CHCHD6: variants seen among roughly 807,000 people sequenced by gnomAD.
The protein encoded by CHCHD6 is MICOS complex subunit MIC25.
Under a neutral mutation model 32.3 loss-of-function variants are expected in CHCHD6, and 28 were observed. The observed-to-expected ratio is 0.87, with a 90% confidence interval of 0.64 to 1.19. CHCHD6 has a LOEUF of 1.19. Ranked by LOEUF, CHCHD6 falls within the 50% of genes most tolerant of loss-of-function variation. CHCHD6 has a pLI of 0.00. For missense variants in CHCHD6, 333 were observed against 307.0 expected (o/e 1.08, Z -0.63); for synonymous variants, 122 against 117.5 (o/e 1.04, Z -0.25).
chr3:126,811,614 A>C (rs2107531621), intron 4 of CHCHD6, among the ~76,000 whole-genome samples: 1 of 151,622 alleles, frequency 6.6e-6, no homozygotes, highest in Non-Finnish European at 1.5e-5. Flanking sequence ...ACACTACTCC[A>C]GTGGACCAGC....
At chr3:126,910,704 G>A (rs1296145621) in intron 5 of CHCHD6, among the ~76,000 whole-genome samples, 1 of 152,202 alleles carries the variant, frequency 6.6e-6, no homozygotes, top group Non-Finnish European at 1.5e-5. Flanking sequence ...AGGATGGGGA[G>A]CTGCTTGAGT....
At chr3:126,808,423 A>T (rs1939510611) in intron 4 of CHCHD6, among the ~76,000 whole-genome samples, 1 of 152,212 alleles carries the variant, frequency 6.6e-6, no homozygotes. Context: ...GGGCTGTCTT[A>T]GAGGGCTGTG....
chr3:126,852,241 C>A (rs1335486861), intron 4 of CHCHD6, among the ~76,000 whole-genome samples: 1 of 152,158 alleles, frequency 6.6e-6, no homozygotes, highest in Admixed American at 6.5e-5. Context: ...AAGGTTCAGA[C>A]CCCAGCTACT....
chr3:126,938,174 GCCATTAGCT>G (rs2078510127), intron 6 of CHCHD6, among the ~76,000 whole-genome samples: 1 of 152,218 alleles, frequency 6.6e-6, no homozygotes, highest in South Asian at 2.1e-4. Flanking sequence ...TTGGCAAGGG[GCCATTAGCT>G]TGTGACTGTT....
At chr3:126,893,555 C>T (rs1375545051) in intron 5 of CHCHD6, among the ~76,000 whole-genome samples, 2 of 152,192 alleles carry the variant, frequency 1.3e-5, no homozygotes, top group Non-Finnish European at 2.9e-5. Flanking sequence ...GAGTCCTAGT[C>T]CTTTATTACA....
chr3:126,959,762 C>T (rs554857339), intron 7 of CHCHD6, among the ~76,000 whole-genome samples: 9 of 152,316 alleles, frequency 5.9e-5, no homozygotes, highest in East Asian at 3.9e-4. Flanking sequence ...CCTGACTGTG[C>T]GGACCCCAGC....
chr3:126,950,582 C>G (rs1276663530), intron 6 of CHCHD6, among the ~76,000 whole-genome samples: 2 of 152,230 alleles, frequency 1.3e-5, no homozygotes, highest in Non-Finnish European at 2.9e-5. Context: ...TCCCAACTAA[C>G]TGGGATTACA....
chr3:126,849,241 T>G (rs1396156986), intron 4 of CHCHD6, among the ~76,000 whole-genome samples: 2 of 152,244 alleles, frequency 1.3e-5, no homozygotes, highest in East Asian at 3.8e-4. Context: ...GGAATGTGGT[T>G]TATTCTGACC....
At chr3:126,864,842 C>T (rs202133696) in intron 5 of CHCHD6, among the ~76,000 whole-genome samples, 1 of 134,280 alleles carries the variant, frequency 7.4e-6, no homozygotes, top group Non-Finnish European at 1.5e-5. Context: ...TCCTCCTCCA[C>T]CATCATCTCC....
intron 6 of CHCHD6, among the ~76,000 whole-genome samples, chr3:126,946,597 C>A (rs941029799): frequency 6.6e-6 from 1 of 152,188 alleles, no homozygotes; most frequent in African/African-American, 2.4e-5. Context: ...ATAGCAATCC[C>A]GTGTGGCGTG....
intron 4 of CHCHD6, among the ~76,000 whole-genome samples, chr3:126,803,889 A>T (rs987808108): frequency 6.6e-6 from 1 of 152,276 alleles, no homozygotes; most frequent in Non-Finnish European, 1.5e-5. Context: ...CAATCAAACT[A>T]GAACTCAGGA....
At chr3:126,845,950 C>G (rs1218900601) in intron 4 of CHCHD6, among the ~76,000 whole-genome samples, 2 of 152,144 alleles carry the variant, frequency 1.3e-5, no homozygotes, top group Non-Finnish European at 2.9e-5. Context: ...AATCCAGGAG[C>G]ATTTGTTCAA....
chr3:126,889,690 C>T (rs557265932), intron 5 of CHCHD6, among the ~76,000 whole-genome samples: 2 of 152,330 alleles, frequency 1.3e-5, no homozygotes, highest in African/African-American at 2.4e-5. Context: ...TCTTGTATAC[C>T]GCCACTGCAC....
Position 126,960,315 on chromosome 3 carries a change from C to T in CHCHD6, c.*114C>T, listed in dbSNP as rs2078842846. 21 of 1,290,448 alleles carry T rather than the reference C, an allele frequency of 1.6e-5. No homozygotes were observed. The highest frequency in any genetic ancestry group is 2.2e-5 in the Non-Finnish European group (20 of 915,814). The allele number at this position is 1,290,448 out of a possible 1,614,324, so 79.9% of individuals were successfully genotyped here. ...TTCCTGCTGGGCCCCTGCATATGCCCCTGAGCCTGGGGCTGCCACGTGTTT... is the reference window on the plus strand; with the variant it reads ...TTCCTGCTGGGCCCCTGCATATGCCTCTGAGCCTGGGGCTGCCACGTGTTT... On this transcript the variant is annotated 3_prime_UTR_variant, in exon 8 of 8. Transcript: ENST00000290913.
intron 4 of CHCHD6, among the ~76,000 whole-genome samples, chr3:126,815,069 G>C (rs1362515097): frequency 6.6e-6 from 1 of 152,170 alleles, no homozygotes; most frequent in Admixed American, 6.5e-5. Flanking sequence ...ATTGTTGTGT[G>C]GTGTGAGGGC....
chr3:126,897,491 C>T (rs186226431), intron 5 of CHCHD6, among the ~76,000 whole-genome samples: 4 of 152,324 alleles, frequency 2.6e-5, no homozygotes, highest in African/African-American at 9.6e-5. Flanking sequence ...CTAGCTTTTA[C>T]TGAAGGACTT....
intron 6 of CHCHD6, among the ~76,000 whole-genome samples, chr3:126,950,209 C>A (rs1047569235): frequency 3.9e-5 from 6 of 152,042 alleles, no homozygotes; most frequent in Non-Finnish European, 7.4e-5. Context: ...GAAGGGAAGG[C>A]TTCAGAGAGG....
intron 6 of CHCHD6, among the ~76,000 whole-genome samples, chr3:126,940,675 G>A (rs551441087): frequency 5.4e-4 from 82 of 152,220 alleles, no homozygotes; most frequent in African/African-American, 1.9e-4. Flanking sequence ...CTCCAAAAAC[G>A]CTAGAGAGTG....
At chr3:126,745,547 A>G (rs1021438807) in intron 4 of CHCHD6, among the ~76,000 whole-genome samples, 39 of 152,310 alleles carry the variant, frequency 2.6e-4, no homozygotes, top group Non-Finnish European at 5.9e-5. Flanking sequence ...AATAGAGTCT[A>G]AAGGATAGAA....
Sources: allele counts gnomAD v4.1 joint callset (sites outside exome capture counted in the v4.1 genomes callset), GRCh38; gene constraint gnomAD v4.1.1; transcripts MANE v1.5; gene names NCBI Gene and HGNC (gene_info 2026-07-23, HGNC 2026-07-21).